The following ATP8B4 variants were observed in gnomAD, a reference collection of about 807,000 sequenced individuals.
ATP8B4 encodes the protein probable phospholipid-transporting ATPase IM.
Under a neutral mutation model 145.6 loss-of-function variants are expected in ATP8B4, and 133 were observed. The observed-to-expected ratio is 0.91, with a 90% CI of 0.79 to 1.05. The LOEUF is 1.05. Ranked by LOEUF, ATP8B4 falls within the 50% of genes least tolerant of loss-of-function variation. The pLI is 0.00. For missense variants in ATP8B4, 1,458 were observed against 1,425.2 expected, an observed-to-expected ratio of 1.02 and a Z score of -0.37; for synonymous variants, 507 against 492.9, an observed-to-expected ratio of 1.03 and a Z score of -0.38.
At chr15:50,129,322 G>C (rs2057328961) in intron 1 of ATP8B4, among the ~76,000 whole-genome samples, 1 of 152,148 alleles carries the variant, frequency 6.6e-6, no homozygotes, top group African/African-American at 2.4e-5. Context: ...CTAGAGGCTG[G>C]AAGACCAAAA....
At chr15:50,148,857 T>TA (rs2044311170) in intron 1 of ATP8B4, among the ~76,000 whole-genome samples, 1 of 152,248 alleles carries the variant, frequency 6.6e-6, no homozygotes, top group African/African-American at 2.4e-5. Flanking sequence ...CTGTTGTAGT[T>TA]AGATTACAAA....
intron 20 of ATP8B4, among the ~76,000 whole-genome samples, chr15:49,908,382 G>A (rs144610012): frequency 2.0e-5 from 3 of 152,162 alleles, no homozygotes; most frequent in Non-Finnish European, 2.9e-5. Context: ...GTTCAAGAGA[G>A]AAGTGACAGG....
intron 11 of ATP8B4, among the ~76,000 whole-genome samples, chr15:49,980,405 C>T (rs1016841268): frequency 2.0e-5 from 3 of 151,998 alleles, no homozygotes; most frequent in Non-Finnish European, 4.4e-5. Flanking sequence ...TGGCTGTCTT[C>T]GAACTTTACC....
chr15:50,072,944 CT>C (rs2053859834), intron 3 of ATP8B4, among the ~76,000 whole-genome samples: 11 of 25,282 alleles, frequency 4.4e-4, no homozygotes, highest in Admixed American at 1.3e-3. Flanking sequence ...CTCTCTCTCT[CT>C]CTCTCTCTCT....
At chr15:50,046,920 A>C (rs569265520) in intron 4 of ATP8B4, among the ~76,000 whole-genome samples, 1 of 152,352 alleles carries the variant, frequency 6.6e-6, no homozygotes, top group Admixed American at 6.5e-5. Context: ...ATCACTTTAT[A>C]TATATTAAAA....
chr15:50,074,010 A>G (rs2054014822), intron 3 of ATP8B4, 117 bp downstream of exon 3: 1 of 736,842 alleles, frequency 1.4e-6, no homozygotes, highest in Non-Finnish European at 2.3e-6. Context: ...CCTTGCTGTC[A>G]AAATGGGCCA....
chr15:49,873,760 A>C (rs1471059045), intron 25 of ATP8B4, among the ~76,000 whole-genome samples: 1 of 152,098 alleles, frequency 6.6e-6, no homozygotes, highest in Non-Finnish European at 1.5e-5. Flanking sequence ...AGCACATCCC[A>C]CCTTCTGAGG....
intron 2 of ATP8B4, among the ~76,000 whole-genome samples, chr15:50,096,012 G>T (rs2055960649): frequency 2.0e-5 from 3 of 152,132 alleles, no homozygotes; most frequent in Non-Finnish European, 4.4e-5. Context: ...GTTTAGGAAA[G>T]ATTTCACAAT....
At chr15:50,071,483 G>A (rs867561263) in intron 3 of ATP8B4, among the ~76,000 whole-genome samples, 10 of 152,164 alleles carry the variant, frequency 6.6e-5, no homozygotes, top group Admixed American at 2.0e-4. Flanking sequence ...ACAAGTAAAC[G>A]CAGCCAAGTA....
At chr15:50,157,395 T>C (rs1025313145) in intron 1 of ATP8B4, among the ~76,000 whole-genome samples, 5 of 152,214 alleles carry the variant, frequency 3.3e-5, no homozygotes, top group African/African-American at 9.7e-5. Flanking sequence ...TGAAGTATTG[T>C]ACACCAGATC....
intron 4 of ATP8B4, 21 bp downstream of exon 4, chr15:50,047,330 G>C (rs1380728805): frequency 7.2e-7 from 1 of 1,397,266 alleles, no homozygotes; most frequent in African/African-American, 1.4e-5. Context: ...AGATAATAGA[G>C]AAATACAACC....
intron 2 of ATP8B4, among the ~76,000 whole-genome samples, chr15:50,100,213 T>G (rs994696570): frequency 1.3e-5 from 2 of 152,136 alleles, no homozygotes; most frequent in African/African-American, 4.8e-5. Flanking sequence ...CATAGAAATG[T>G]AAGGGCAACT....
intron 14 of ATP8B4, among the ~76,000 whole-genome samples, chr15:49,955,797 T>C (rs1310726933): frequency 6.6e-6 from 1 of 152,230 alleles, no homozygotes; most frequent in East Asian, 1.9e-4. Context: ...TATTCCACTT[T>C]TATGAGATCT....
At position 49,898,168 on chromosome 15, in the gene ATP8B4, A is replaced by T; in HGVS notation, c.2373T>A (p.Thr791=). 1 of 1,613,942 alleles carries T rather than the reference A, an allele frequency of 6.2e-7. No individual in the cohort carries two copies. Among genetic ancestry groups the T allele is most frequent in the Admixed American group, 1.7e-5 (1 of 59,990 alleles). ...MCKTVICCRV[T]PLQKAQVVEL... ...CTACCACTTGGGCTTTCTGGAGTGG[A>T]GTGACCCTGCAGCAAATTACAGTCT... The change falls in exon 22 of 28, where the codon ACT becomes ACA. Residue 791 remains threonine (T), a synonymous_variant. Transcript: ENST00000284509.
chr15:49,957,134 A>G (rs2043640690), intron 14 of ATP8B4, among the ~76,000 whole-genome samples: 1 of 152,110 alleles, frequency 6.6e-6, no homozygotes, highest in African/African-American at 2.4e-5. Context: ...CTGCAAATCG[A>G]CTCATAGAAA....
chr15:50,084,719 G>T (rs77016042), intron 2 of ATP8B4, among the ~76,000 whole-genome samples: 1 of 152,100 alleles, frequency 6.6e-6, no homozygotes, highest in African/African-American at 2.4e-5. Flanking sequence ...AGAGATCCTA[G>T]GGAAGAATGT....
At chr15:49,909,886 C>T (rs973458969) in intron 20 of ATP8B4, among the ~76,000 whole-genome samples, 3 of 151,956 alleles carry the variant, frequency 2.0e-5, no homozygotes, top group Non-Finnish European at 4.4e-5. Flanking sequence ...TTGGAAGAAG[C>T]GACTGTTATA....
chr15:49,995,515 T>G (rs2047353972), intron 9 of ATP8B4, among the ~76,000 whole-genome samples: 1 of 152,198 alleles, frequency 6.6e-6, no homozygotes, highest in South Asian at 2.1e-4. Flanking sequence ...GAATTTTTTT[T>G]TCTATAAACA....
At chr15:50,173,748 A>G (rs753154725) in intron 1 of ATP8B4, among the ~76,000 whole-genome samples, 26 of 152,282 alleles carry the variant, frequency 1.7e-4, no homozygotes, top group Non-Finnish European at 2.6e-4. Context: ...TCCTTTTAAC[A>G]CTATTCCACA....
Sources: allele counts gnomAD v4.1 joint callset (sites outside exome capture counted in the v4.1 genomes callset), GRCh38; gene constraint gnomAD v4.1.1; transcripts MANE v1.5; gene names NCBI Gene and HGNC (gene_info 2026-07-23, HGNC 2026-07-21).